BMPR1A: variants seen among roughly 807,000 people sequenced by gnomAD.
The protein encoded by BMPR1A is bone morphogenetic protein receptor type-1A.
Under a neutral mutation model 66.0 loss-of-function variants are expected in BMPR1A, and 7 were observed. The ratio of observed to expected loss-of-function variants is 0.11; its 90% CI spans 0.06 to 0.20. The LOEUF (loss-of-function observed/expected upper bound fraction) is 0.20. BMPR1A is among the 10% of genes least tolerant of loss of function. BMPR1A has a pLI of 1.00. For synonymous variants in BMPR1A, 200 were observed against 229.7 expected, an observed-to-expected ratio of 0.87 and a Z score of 1.17; for missense variants, 408 against 669.1, an observed-to-expected ratio of 0.61 and a Z score of 4.31.
chr10:86,820,701 G>A (rs540889420), intron 1 of BMPR1A, among the ~76,000 whole-genome samples: 1 of 152,054 alleles, frequency 6.6e-6, no homozygotes, highest in Non-Finnish European at 1.5e-5. Context: ...GGACTTCTCC[G>A]GATGCTAGTT....
At chr10:86,893,802 AAAG>A (rs1301374706) in intron 5 of BMPR1A, among the ~76,000 whole-genome samples, 2 of 150,076 alleles carry the variant, frequency 1.3e-5, no homozygotes, top group African/African-American at 2.4e-5. Context: ...AAAAAAAAGA[AAAG>A]AAATTCTCAG....
At chr10:86,881,798 T>G (rs1403587819) in intron 3 of BMPR1A, among the ~76,000 whole-genome samples, 1 of 152,198 alleles carries the variant, frequency 6.6e-6, no homozygotes. Flanking sequence ...ATTAAGAGAC[T>G]TGGAGACAAC....
At chr10:86,881,196 G>T (rs1193660789) in intron 3 of BMPR1A, among the ~76,000 whole-genome samples, 1 of 152,134 alleles carries the variant, frequency 6.6e-6, no homozygotes. Context: ...AACCAATGAT[G>T]ACGCCACTGC....
chr10:86,808,876 A>G (rs1222660674), intron 1 of BMPR1A, among the ~76,000 whole-genome samples: 1 of 152,176 alleles, frequency 6.6e-6, no homozygotes, highest in African/African-American at 2.4e-5. Flanking sequence ...AAACCTGCCC[A>G]TCTTCAGTAA....
intron 1 of BMPR1A, among the ~76,000 whole-genome samples, chr10:86,760,221 GTTTTTTCTTTCTTTCTTTCTTTCTTTCT>G (rs1841023673): frequency 7.8e-5 from 2 of 25,752 alleles, no homozygotes; most frequent in Non-Finnish European, 1.5e-4. Flanking sequence ...ATACCTTATT[GTTTTTTCTTTCTTTCTTTCTTTCTTTCT>G]TTTTTTTTTT....
chr10:86,822,182 T>C, intron 1 of BMPR1A, among the ~76,000 whole-genome samples: 1 of 152,128 alleles, frequency 6.6e-6, no homozygotes. Flanking sequence ...AACTTTAGCA[T>C]GTGTCATGTA....
At chr10:86,835,262 A>AC (rs1477284946) in intron 1 of BMPR1A, among the ~76,000 whole-genome samples, 1 of 150,256 alleles carries the variant, frequency 6.7e-6, no homozygotes, top group East Asian at 2.0e-4. Flanking sequence ...AAAAAAAAAA[A>AC]ACAGAAAAAA....
intron 1 of BMPR1A, among the ~76,000 whole-genome samples, chr10:86,837,799 G>A (rs1842373426): frequency 6.6e-6 from 1 of 152,140 alleles, no homozygotes; most frequent in African/African-American, 2.4e-5. Flanking sequence ...TTGCATTCAG[G>A]GTCAGGCTGT....
chr10:86,760,642 G>A (rs572608138), intron 1 of BMPR1A, among the ~76,000 whole-genome samples: 1 of 152,132 alleles, frequency 6.6e-6, no homozygotes, highest in Non-Finnish European at 1.5e-5. Flanking sequence ...AAAGGCTCCT[G>A]TCTAGCCTAA....
chr10:86,869,226 G>A (rs1295520417), intron 2 of BMPR1A, among the ~76,000 whole-genome samples: 2 of 152,164 alleles, frequency 1.3e-5, no homozygotes, highest in African/African-American at 4.8e-5. Flanking sequence ...AGAGGCCGAG[G>A]TGGACAGATC....
At chr10:86,895,292 C>G (rs891258660) in intron 5 of BMPR1A, among the ~76,000 whole-genome samples, 3 of 152,174 alleles carry the variant, frequency 2.0e-5, no homozygotes, top group African/African-American at 7.2e-5. Context: ...AATCCCAGCA[C>G]TTTGGGAGGC....
At chr10:86,794,954 C>T (rs1463388845) in intron 1 of BMPR1A, among the ~76,000 whole-genome samples, 3 of 151,662 alleles carry the variant, frequency 2.0e-5, no homozygotes, top group Admixed American at 1.3e-4. Flanking sequence ...TTGGTTCAAG[C>T]AGTTCTCCTG....
chr10:86,802,239 G>T (rs996572487), intron 1 of BMPR1A, among the ~76,000 whole-genome samples: 2 of 152,186 alleles, frequency 1.3e-5, no homozygotes, highest in African/African-American at 4.8e-5. Context: ...GGACGCTCCA[G>T]ATCAGGGCTG....
intron 2 of BMPR1A, chr10:86,843,380 C>T (rs1362873018): frequency 1.3e-5 from 2 of 152,114 alleles, no homozygotes; most frequent in African/African-American, 4.8e-5. Context: ...TCTAAAGCCC[C>T]CAAAGCACTT....
chr10:86,813,968 TTGAG>T (rs1416667699), intron 1 of BMPR1A, among the ~76,000 whole-genome samples: 2 of 152,242 alleles, frequency 1.3e-5, no homozygotes, highest in African/African-American at 4.8e-5. Context: ...TTTTCCTTCC[TTGAG>T]TATTTTATTT....
At position 86,797,304 on chromosome 10, in the gene BMPR1A, C is replaced by T. The variant is rs532507744; in HGVS notation, c.-268+40385C>T. ...GGAGTGTAGTGGCCCAATCTCGGTT[C>T]ACTGCAACCTCCACCTCCTGGGTTC... On this transcript the variant is annotated intron_variant, in intron 1 of 12. Transcript: ENST00000372037. Among the ~76,000 whole-genome samples the T allele has an allele frequency of 6.1e-4, 91 of 148,592 alleles. 1 individual carries two copies. The highest frequency in any genetic ancestry group is 1.2e-3 in the Non-Finnish European group (83 of 67,496).
downstream of BMPR1A, chr10:86,928,055 A>G (rs58734519): frequency 5.1e-3 from 863 of 170,668 alleles, 8 homozygotes; most frequent in African/African-American, 0.019. Flanking sequence ...TGATTAAGTT[A>G]GTGTATATAC....
At chr10:86,855,015 C>T (rs1842620384) in intron 2 of BMPR1A, 1 of 209,190 alleles carries the variant, frequency 4.8e-6, no homozygotes, top group Admixed American at 5.9e-5. Context: ...CCACTCCCTG[C>T]AACCTCAGCT....
chr10:86,924,679 C>T lies in BMPR1A; in HGVS notation c.*960C>T, dbSNP rs1843715624. The T allele has an allele frequency of 8.6e-6, 2 of 233,122 alleles. No individual in the cohort carries two copies. Among genetic ancestry groups the T allele is most frequent in the African/African-American group, 4.4e-5 (2 of 45,474 alleles). 14.4% of individuals were successfully genotyped at this position (233,122 alleles called of 1,614,324 possible). On this transcript the variant is annotated 3_prime_UTR_variant, in exon 13 of 13. Coordinates refer to ENST00000372037, the MANE Select transcript of BMPR1A (RefSeq NM_004329.3). ...AACCATGTTCTATATTCTTTATTCT[C>T]AGTAACTTTTAAAAGGGAAGTTATT...
Sources: gnomAD v4.1 joint callset for allele counts (sites outside exome capture counted in the v4.1 genomes callset) on GRCh38, gnomAD v4.1.1 for gene constraint, MANE v1.5 for transcripts, NCBI Gene and HGNC (gene_info 2026-07-23, HGNC 2026-07-21) for gene names.